Variants in ADAMTS6 observed in about 807,000 individuals in gnomAD.
ADAMTS6 encodes the protein A disintegrin and metalloproteinase with thrombospondin motifs 6.
ADAMTS6 carries 23 observed loss-of-function variants against 144.3 expected under a neutral mutation model. The observed-to-expected ratio is 0.16, with a 90% CI of 0.11 to 0.23. The LOEUF (loss-of-function observed/expected upper bound fraction) is 0.23, where lower values mean the gene tolerates loss of function less well. ADAMTS6 is among the 10% of genes least tolerant of loss of function. ADAMTS6 has a pLI of 1.00. For missense variants in ADAMTS6, 999 were observed against 1,379.6 expected (o/e 0.72, Z 4.37); for synonymous variants, 444 against 457.5 (o/e 0.97, Z 0.38).
intron 6 of ADAMTS6, 110 bp downstream of exon 6, chr5:65,452,023 G>T (rs761522949): frequency 6.8e-6 from 6 of 885,300 alleles, no homozygotes; most frequent in Non-Finnish European, 9.7e-6. Context: ...TATCCAACTA[G>T]AATTTCCTAA....
chr5:65,196,324 G>GGAGATTAAGACC (rs1554045509), intron 21 of ADAMTS6, among the ~76,000 whole-genome samples: 1 of 151,780 alleles, frequency 6.6e-6, no homozygotes, highest in African/African-American at 2.4e-5. Context: ...ATCACGAGGT[G>GGAGATTAAGACC]ATCCTGGCTA....
intron 9 of ADAMTS6, among the ~76,000 whole-genome samples, chr5:65,301,337 A>C (rs1371452811): frequency 6.6e-6 from 1 of 152,200 alleles, no homozygotes; most frequent in Non-Finnish European, 1.5e-5. Context: ...GTTACGACAT[A>C]TATTCTAATA....
rs565248765 is a variant in ADAMTS6 at position 65,318,943 on chromosome 5, T to C, written c.1223+10435A>G. ...AGGGGTTGGATACCAAAATTCTCCA[T>C]GATGTGATTATTACACATTGCACAC... On this transcript the variant is annotated intron_variant, in intron 9 of 24. Transcript: ENST00000381055. Among the ~76,000 whole-genome samples the C allele has an allele frequency of 6.6e-5, 10 of 152,302 alleles. No homozygotes were observed. In the South Asian group the frequency reaches 2.1e-3, roughly 32 times the overall value.
At chr5:65,329,137 CA>C (rs1746456655) in intron 9 of ADAMTS6, among the ~76,000 whole-genome samples, 1 of 152,026 alleles carries the variant, frequency 6.6e-6, no homozygotes, top group Admixed American at 6.6e-5. Context: ...GGAGACTGAA[CA>C]AAAACTTAAA....
intron 15 of ADAMTS6, among the ~76,000 whole-genome samples, chr5:65,226,590 A>C (rs780070393): frequency 2.6e-5 from 4 of 151,934 alleles, no homozygotes; most frequent in Admixed American, 6.6e-5. Flanking sequence ...TGAAAGAAAA[A>C]CAATTTTTTT....
At chr5:65,164,154 G>A (rs1752980362) in intron 24 of ADAMTS6, among the ~76,000 whole-genome samples, 1 of 151,990 alleles carries the variant, frequency 6.6e-6, no homozygotes, top group African/African-American at 2.4e-5. Flanking sequence ...CAGACAGTGG[G>A]CGCAGGCCAG....
In ADAMTS6 at chr5:65,473,561, A is replaced by C. The variant is rs753746563; in HGVS notation, c.97+16T>G. 5.0e-6 allele frequency: 8 copies of C among 1,597,012 alleles called. No homozygotes were observed. The highest frequency in any genetic ancestry group is 6.8e-6 in the Non-Finnish European group (8 of 1,171,136). ...ATAGCAATATTTTTTGTCAGTTTCA[A>C]AAGCAAGAATCCTACCTTGAGAACT... On this transcript the variant is annotated intron_variant, in intron 2 of 24. Coordinates refer to ENST00000381055, the MANE Select transcript of ADAMTS6 (RefSeq NM_197941.4).
intron 20 of ADAMTS6, among the ~76,000 whole-genome samples, chr5:65,208,211 T>G (rs1051478028): frequency 1.3e-5 from 2 of 152,208 alleles, no homozygotes; most frequent in Non-Finnish European, 2.9e-5. Flanking sequence ...GTTAATTTTT[T>G]GAAGACTAAA....
intron 16 of ADAMTS6, among the ~76,000 whole-genome samples, chr5:65,225,293 A>G (rs935307137): frequency 6.6e-6 from 1 of 152,236 alleles, no homozygotes; most frequent in African/African-American, 2.4e-5. Flanking sequence ...ACACACAAAT[A>G]TCATACACAA....
intron 9 of ADAMTS6, among the ~76,000 whole-genome samples, chr5:65,302,494 G>C (rs940853125): frequency 5.9e-5 from 9 of 151,506 alleles, no homozygotes; most frequent in Non-Finnish European, 7.4e-5. Flanking sequence ...AGAAATGTAT[G>C]AGAGTATCCA....
Position 65,170,750 on chromosome 5 carries a change from T to A in ADAMTS6, c.3111A>T (p.Gly1037=). The A allele has an allele frequency of 6.2e-7, 1 of 1,614,126 alleles. No individual in the cohort carries two copies. Among genetic ancestry groups the A allele is most frequent in the Non-Finnish European group, 8.5e-7 (1 of 1,179,990 alleles). ...GACACTGCACAGTTCTCATCTGCTGTCCAAGGCCACACTGAGCAGAACACT... is the reference window on the plus strand; with the variant it reads ...GACACTGCACAGTTCTCATCTGCTGACCAAGGCCACACTGAGCAGAACACT... ...WGQCSAQCGL[G]QQMRTVQCLS... The change falls in exon 24 of 25, where the codon GGA becomes GGT. Residue 1037 remains glycine, a synonymous_variant. Transcript: ENST00000381055.
At chr5:65,300,363 C>G (rs1324662559) in intron 9 of ADAMTS6, among the ~76,000 whole-genome samples, 1 of 152,156 alleles carries the variant, frequency 6.6e-6, no homozygotes, top group Non-Finnish European at 1.5e-5. Context: ...ATACTCTCAC[C>G]TGTTATCGCA....
Position 65,214,423 on chromosome 5 carries a change from T to C in ADAMTS6, c.2575+371A>G. The C allele has an allele frequency of 2.8e-6, 1 of 352,602 alleles. No individual in the cohort carries two copies. The highest frequency in any genetic ancestry group is 5.5e-6 in the Non-Finnish European group (1 of 181,826). The allele number at this position is 352,602 out of a possible 1,614,324, so 21.8% of individuals were successfully genotyped here. A position where few individuals can be genotyped will look rare whatever the true frequency, so the allele number is the denominator to read the frequency against. On this transcript the variant is annotated intron_variant, in intron 20 of 24. Coordinates refer to ENST00000381055, the MANE Select transcript of ADAMTS6 (RefSeq NM_197941.4). This position sits in a 1 kb window ranked among gnomAD's most constrained non-coding sequence, Gnocchi z 4.6. ...CACAGCCGTACATTCTCATCTCCCA[T>C]TACAAGAAGTTGCATCTGTGATGTC...
intron 20 of ADAMTS6, among the ~76,000 whole-genome samples, chr5:65,198,933 C>T (rs1162373346): frequency 3.3e-5 from 5 of 152,112 alleles, no homozygotes; most frequent in Non-Finnish European, 7.4e-5. Context: ...TGATATTCAT[C>T]GGATATCTCC....
At chr5:65,299,864 G>A in intron 10 of ADAMTS6, 121 bp downstream of exon 10, 2 of 1,098,560 alleles carry the variant, frequency 1.8e-6, no homozygotes, top group Middle Eastern at 5.8e-4. Flanking sequence ...GGAAAAAGTT[G>A]AAACATCAGT....
At chr5:65,301,703 C>T (rs1225714649) in intron 9 of ADAMTS6, among the ~76,000 whole-genome samples, 1 of 136,964 alleles carries the variant, frequency 7.3e-6, no homozygotes. Flanking sequence ...GCCGGATAAA[C>T]AGGTAGAATT....
chr5:65,250,247 T>TA (rs1453929316), intron 14 of ADAMTS6, among the ~76,000 whole-genome samples: 4 of 152,188 alleles, frequency 2.6e-5, no homozygotes, highest in Admixed American at 1.3e-4. Flanking sequence ...TACAGCCTAT[T>TA]TATATAAGAG....
chr5:65,365,646 C>CA (rs779896418), intron 7 of ADAMTS6, among the ~76,000 whole-genome samples: 2,380 of 91,790 alleles, frequency 0.026, 25 homozygotes, highest in Non-Finnish European at 0.03. Flanking sequence ...GACTCTGTTT[C>CA]AAAAAAAAAA....
At chr5:65,434,828 C>T (rs1320161428) in intron 7 of ADAMTS6, among the ~76,000 whole-genome samples, 2 of 151,900 alleles carry the variant, frequency 1.3e-5, no homozygotes, top group African/African-American at 2.4e-5. Flanking sequence ...AGCACTTAGT[C>T]AGTGCTTAGC....
Sources: gnomAD v4.1 joint callset for allele counts (sites outside exome capture counted in the v4.1 genomes callset) on GRCh38, gnomAD v4.1.1 for gene constraint, Gnocchi (gnomAD v3.1) non-coding constraint, MANE v1.5 for transcripts, NCBI Gene and HGNC (gene_info 2026-07-23, HGNC 2026-07-21) for gene names.